The following FOXN3 variants were observed in gnomAD, a reference collection of about 807,000 sequenced individuals.
FOXN3 encodes the protein forkhead box N3.
FOXN3 carries 7 observed loss-of-function variants against 38.4 expected under a neutral mutation model. The ratio of observed to expected loss-of-function variants is 0.18; its 90% CI spans 0.10 to 0.34. The LOEUF (loss-of-function observed/expected upper bound fraction) is 0.34. Among genes scored for constraint, FOXN3 ranks in the 10% least tolerant of loss-of-function variants. The pLI is 1.00. For missense variants in FOXN3, 456 were observed against 613.4 expected, an observed-to-expected ratio of 0.74 and a Z score of 2.71; for synonymous variants, 230 against 242.2, an observed-to-expected ratio of 0.95 and a Z score of 0.47.
intron 1 of FOXN3, among the ~76,000 whole-genome samples, chr14:89,593,781 T>C (rs904171077): frequency 6.6e-6 from 1 of 152,108 alleles, no homozygotes; most frequent in South Asian, 2.1e-4. Context: ...GCTAATTATT[T>C]TATTTTTTGT....
rs575113440 is a variant in FOXN3 at position 89,261,972 on chromosome 14, T to C, written c.745+18978A>G. The stretch of plus-strand genomic sequence containing the variant: ...AAACAAAATTAGCCAGGTGTGGTGG[T>C]GGGCACCTGTAGTCCCAGCTACTCG... On this transcript the variant is annotated intron_variant, in intron 4 of 5. Coordinates refer to ENST00000557258, the MANE Select transcript of FOXN3 (RefSeq NM_005197.4). 9.1e-4 allele frequency among the ~76,000 whole-genome samples: 138 copies of C among 151,950 alleles called. 1 individual carries two copies. The highest frequency in any genetic ancestry group is 3.2e-3 in the African/African-American group (133 of 41,444).
chr14:89,193,859 T>C (rs1357361463), intron 4 of FOXN3, among the ~76,000 whole-genome samples: 2 of 152,208 alleles, frequency 1.3e-5, no homozygotes, highest in Non-Finnish European at 2.9e-5. Context: ...TACTTGAAAT[T>C]GTCAATCTTT....
intron 4 of FOXN3, among the ~76,000 whole-genome samples, chr14:89,191,376 C>T (rs1017046577): frequency 2.6e-5 from 4 of 152,250 alleles, no homozygotes; most frequent in East Asian, 1.9e-4. Context: ...GCGGTGATGC[C>T]GCGTGACAGA....
At chr14:89,454,952 T>A (rs554009790) in intron 1 of FOXN3, among the ~76,000 whole-genome samples, 64 of 152,340 alleles carry the variant, frequency 4.2e-4, no homozygotes, top group African/African-American at 1.5e-3. Flanking sequence ...GGCTGTTGGC[T>A]GTGTATTTAA....
intron 4 of FOXN3, among the ~76,000 whole-genome samples, chr14:89,270,108 A>T (rs1417788973): frequency 1.3e-5 from 2 of 152,164 alleles, no homozygotes; most frequent in African/African-American, 2.4e-5. Flanking sequence ...TCTCCAAGGA[A>T]CTTTCTTTTT....
chr14:89,571,580 A>G (rs939371693), intron 1 of FOXN3, among the ~76,000 whole-genome samples: 1 of 152,158 alleles, frequency 6.6e-6, no homozygotes, highest in Non-Finnish European at 1.5e-5. Context: ...TTTTTATATA[A>G]AGATCAGAAA....
chr14:89,551,404 C>CCA (rs1895003085), intron 1 of FOXN3, among the ~76,000 whole-genome samples: 1 of 151,886 alleles, frequency 6.6e-6, no homozygotes, highest in East Asian at 1.9e-4. Context: ...ATCCCTTCAA[C>CCA]CCGTCCCTGG....
At chr14:89,415,739 G>C (rs1036329971) in intron 1 of FOXN3, among the ~76,000 whole-genome samples, 1 of 150,668 alleles carries the variant, frequency 6.6e-6, no homozygotes, top group Non-Finnish European at 1.5e-5. Context: ...AAAGAATCTG[G>C]ATCATGTGAG....
chr14:89,459,272 T>C (rs1892790475), intron 1 of FOXN3, among the ~76,000 whole-genome samples: 1 of 152,220 alleles, frequency 6.6e-6, no homozygotes, highest in African/African-American at 2.4e-5. Context: ...AGTAGGGGCT[T>C]GGGAAACCTT....
At chr14:89,523,163 A>G (rs55726768) in intron 1 of FOXN3, among the ~76,000 whole-genome samples, 3,260 of 152,318 alleles carry the variant, frequency 0.021, 115 homozygotes, top group African/African-American at 0.069. Flanking sequence ...TCAAAAGAAC[A>G]TAACAACCCT....
intron 1 of FOXN3, among the ~76,000 whole-genome samples, chr14:89,539,601 T>G (rs1272060101): frequency 6.6e-6 from 1 of 152,210 alleles, no homozygotes; most frequent in African/African-American, 2.4e-5. Context: ...TGACTTGACT[T>G]AAAAATTGCT....
intron 2 of FOXN3, among the ~76,000 whole-genome samples, chr14:89,384,378 G>A (rs924167513): frequency 1.3e-5 from 2 of 152,254 alleles, no homozygotes; most frequent in Admixed American, 1.3e-4. Flanking sequence ...GAAGAATCAG[G>A]ACCAGAACCC....
chr14:89,225,746 G>A (rs1442236699), intron 4 of FOXN3, among the ~76,000 whole-genome samples: 2 of 152,158 alleles, frequency 1.3e-5, no homozygotes, highest in South Asian at 2.1e-4. Flanking sequence ...ACAGGTTCAC[G>A]CTTCTGCTCT....
chr14:89,471,879 C>T (rs1893102641), intron 1 of FOXN3, among the ~76,000 whole-genome samples: 1 of 152,198 alleles, frequency 6.6e-6, no homozygotes. Flanking sequence ...AATGACCCAT[C>T]AGCTTCGATC....
intron 4 of FOXN3, among the ~76,000 whole-genome samples, chr14:89,247,403 T>G (rs933797558): frequency 1.3e-5 from 2 of 152,208 alleles, no homozygotes; most frequent in African/African-American, 2.4e-5. Context: ...GGGAGAGCTA[T>G]GAAAGGCCAG....
intron 4 of FOXN3, among the ~76,000 whole-genome samples, chr14:89,277,816 T>C (rs76113866): frequency 0.024 from 3,587 of 152,306 alleles, 71 homozygotes; most frequent in Middle Eastern, 0.048. Flanking sequence ...AGACATTGCA[T>C]TATTCTTCCC....
intron 1 of FOXN3, among the ~76,000 whole-genome samples, chr14:89,613,080 G>A (rs570482008): frequency 1.5e-5 from 2 of 129,362 alleles, no homozygotes; most frequent in East Asian, 4.6e-4. Context: ...TCGCGCCATT[G>A]CAGTCCTGCC....
intron 1 of FOXN3, among the ~76,000 whole-genome samples, chr14:89,413,218 TA>T (rs1891589749): frequency 1.3e-5 from 2 of 152,220 alleles, no homozygotes; most frequent in Admixed American, 1.3e-4. Flanking sequence ...GAAAGAACAG[TA>T]AAGATAACCA....
At chr14:89,567,140 AATCTCTTTTT>A (rs1895370902) in intron 1 of FOXN3, among the ~76,000 whole-genome samples, 1 of 152,042 alleles carries the variant, frequency 6.6e-6, no homozygotes, top group African/African-American at 2.4e-5. Context: ...ATTCAGCTAA[AATCTCTTTTT>A]AGAAAATTAC....
Sources: allele counts gnomAD v4.1 joint callset (sites outside exome capture counted in the v4.1 genomes callset), GRCh38; gene constraint gnomAD v4.1.1; transcripts MANE v1.5; gene names NCBI Gene and HGNC (gene_info 2026-07-23, HGNC 2026-07-21).